PNLIP: variants seen among roughly 807,000 people sequenced by gnomAD.
The protein encoded by PNLIP is pancreatic triacylglycerol lipase.
In PNLIP, 49 loss-of-function variants were observed where a neutral mutation model predicts 57.1. The observed-to-expected ratio is 0.86, with a 90% CI of 0.68 to 1.09. The LOEUF (loss-of-function observed/expected upper bound fraction) is 1.09. Ranked by LOEUF, PNLIP falls within the 50% of genes least tolerant of loss-of-function variation. The pLI, the probability that PNLIP is intolerant of heterozygous loss-of-function variation, is 0.00. For synonymous variants in PNLIP, 209 were observed against 200.4 expected (o/e 1.04, Z -0.36); for missense variants, 503 against 570.2 (o/e 0.88, Z 1.20).
At chr10:116,546,053 A>C in intron 1 of PNLIP, 40 bp from the exon 2 acceptor site, 3 of 1,602,418 alleles carry the variant, frequency 1.9e-6, no homozygotes, top group Non-Finnish European at 2.6e-6. Flanking sequence ...GATCTTTTAA[A>C]AACTTAGCCA....
intron 2 of PNLIP, among the ~76,000 whole-genome samples, chr10:116,546,855 T>A (rs1399331425): frequency 6.6e-6 from 1 of 152,228 alleles, no homozygotes; most frequent in Non-Finnish European, 1.5e-5. Flanking sequence ...GGAATGAAGA[T>A]GTCCTGCAGT....
rs780873623 is a variant in PNLIP at position 116,560,397 on chromosome 10, C to T, written c.1061-19C>T. On this transcript the variant is annotated intron_variant, in intron 10 of 12. Transcript: ENST00000369221. Reference sequence around the variant, plus strand: ...CTTTTATCTCCAAACTGACATTTTGCAATTTTTCTCCCTTGCAGGTTGGAG... The same window carrying T: ...CTTTTATCTCCAAACTGACATTTTGTAATTTTTCTCCCTTGCAGGTTGGAG... 2 of 1,407,868 alleles carry T rather than the reference C, an allele frequency of 1.4e-6. No homozygotes were observed. Among genetic ancestry groups the T allele is most frequent in the South Asian group, 1.2e-5 (1 of 80,872 alleles). 87.2% of individuals were successfully genotyped at this position (1,407,868 alleles called of 1,614,324 possible). A position where few individuals can be genotyped will look rare whatever the true frequency, so the allele number is the denominator to read the frequency against.
intron 4 of PNLIP, 60 bp downstream of exon 4, chr10:116,548,542 A>G (rs1847155652): frequency 6.4e-7 from 1 of 1,574,428 alleles, no homozygotes; most frequent in South Asian, 1.2e-5. Context: ...AACAAACGGT[A>G]AGGCACTGGC....
intron 12 of PNLIP, among the ~76,000 whole-genome samples, chr10:116,566,428 A>G (rs1180102008): frequency 6.6e-6 from 1 of 152,166 alleles, no homozygotes; most frequent in African/African-American, 2.4e-5. Flanking sequence ...GGAAGAAGCA[A>G]TTACAAAGAG....
chr10:116,555,114 A>G, intron 6 of PNLIP, 64 bp from the exon 7 acceptor site: 2 of 1,579,400 alleles, frequency 1.3e-6, no homozygotes, highest in Non-Finnish European at 1.7e-6. Context: ...CATAACTCAT[A>G]TTTTACTCTT....
chr10:116,549,511 C>T lies in PNLIP; in HGVS notation c.324+1029C>T, dbSNP rs566723337. 2.8e-4 allele frequency among the ~76,000 whole-genome samples: 43 copies of T among 152,046 alleles called. 1 individual carries two copies. The South Asian group carries it at 7.9e-3, about 28-fold the overall frequency. On this transcript the variant is annotated intron_variant, in intron 4 of 12. Coordinates refer to ENST00000369221, the MANE Select transcript of PNLIP (RefSeq NM_000936.4). ...AAACAAAAAAAGACACAAAGGTCCTCCTAAGCCCATACAGTTTCAGGTCTG... is the reference window on the plus strand; with the variant it reads ...AAACAAAAAAAGACACAAAGGTCCTTCTAAGCCCATACAGTTTCAGGTCTG...
chr10:116,551,589 G>C (rs2133200346), intron 5 of PNLIP, among the ~76,000 whole-genome samples: 1 of 152,292 alleles, frequency 6.6e-6, no homozygotes, highest in East Asian at 1.9e-4. Flanking sequence ...GAAGCACGGT[G>C]ATAACAAGCT....
intron 8 of PNLIP, 33 bp from the exon 9 acceptor site, chr10:116,555,967 T>C: frequency 1.6e-6 from 2 of 1,282,084 alleles, no homozygotes; most frequent in South Asian, 2.4e-5. Context: ...AAATAAAATC[T>C]GTCCTTGATG....
At chr10:116,548,557 A>G in intron 4 of PNLIP, 75 bp downstream of exon 4, 1 of 1,476,782 alleles carries the variant, frequency 6.8e-7, no homozygotes, top group Non-Finnish European at 9.3e-7. Context: ...ACTGGCCCCG[A>G]CCAATGAGGA....
intron 8 of PNLIP, 37 bp from the exon 9 acceptor site, chr10:116,555,963 A>C (rs754322941): frequency 1.6e-6 from 2 of 1,269,536 alleles, no homozygotes; most frequent in Non-Finnish European, 2.3e-6. Context: ...GGAAAAATAA[A>C]ATCTGTCCTT....
intron 5 of PNLIP, among the ~76,000 whole-genome samples, chr10:116,552,609 T>G (rs1847206072): frequency 1.3e-5 from 2 of 152,152 alleles, no homozygotes; most frequent in African/African-American, 4.8e-5. Context: ...AATTGTGGCC[T>G]GGCACGGTGG....
chr10:116,559,905 G>A (rs1847294866), intron 10 of PNLIP, among the ~76,000 whole-genome samples: 1 of 152,118 alleles, frequency 6.6e-6, no homozygotes, highest in South Asian at 2.1e-4. Context: ...CCAAGAAAAC[G>A]TTCTTTTGGT....
At chr10:116,547,567 A>T in intron 3 of PNLIP, 119 bp downstream of exon 3, 2 of 774,324 alleles carry the variant, frequency 2.6e-6, no homozygotes, top group Middle Eastern at 2.4e-4. Flanking sequence ...TCTACTAAAA[A>T]TACAAACAAT....
intron 5 of PNLIP, among the ~76,000 whole-genome samples, chr10:116,551,586 G>A (rs180968138): frequency 5.1e-4 from 77 of 152,250 alleles, no homozygotes; most frequent in African/African-American, 1.7e-3. Flanking sequence ...AGAGAAGCAC[G>A]GTGATAACAA....
At chr10:116,548,734 G>A (rs1400473278) in intron 4 of PNLIP, among the ~76,000 whole-genome samples, 1 of 152,306 alleles carries the variant, frequency 6.6e-6, no homozygotes. Context: ...CTGATATGGA[G>A]GTGTTTCAAC....
At chr10:116,558,631 GT>G (rs377138845) in intron 9 of PNLIP, among the ~76,000 whole-genome samples, 23 of 147,056 alleles carry the variant, frequency 1.6e-4, no homozygotes, top group African/African-American at 5.0e-4. Flanking sequence ...TGTATGATTT[GT>G]TTTTTTTTTG....
intron 11 of PNLIP, among the ~76,000 whole-genome samples, 197 bp downstream of exon 11, chr10:116,560,721 G>A (rs1847306694): frequency 6.6e-6 from 1 of 151,546 alleles, no homozygotes; most frequent in African/African-American, 2.4e-5. Context: ...GGGATTACAG[G>A]CGCCCACCAC....
intron 5 of PNLIP, 95 bp downstream of exon 5, chr10:116,551,327 A>G: frequency 1.1e-6 from 1 of 879,780 alleles, no homozygotes; most frequent in Non-Finnish European, 1.6e-6. Context: ...TTAATCATAG[A>G]TAAAGACACT....
chr10:116,550,399 T>G (rs937256527), intron 4 of PNLIP, among the ~76,000 whole-genome samples: 8 of 151,652 alleles, frequency 5.3e-5, no homozygotes, highest in African/African-American at 1.9e-4. Context: ...AAGCTATACA[T>G]AAACACACTC....
Sources: gnomAD v4.1 joint callset for allele counts (sites outside exome capture counted in the v4.1 genomes callset) on GRCh38, gnomAD v4.1.1 for gene constraint, MANE v1.5 for transcripts, NCBI Gene and HGNC (gene_info 2026-07-23, HGNC 2026-07-21) for gene names.